FHOD3: variants seen among roughly 807,000 people sequenced by gnomAD.
FHOD3 encodes the protein FH1/FH2 domain-containing protein 3.
Under a neutral mutation model 173.0 loss-of-function variants are expected in FHOD3, and 90 were observed. That is an observed-to-expected ratio of 0.52 (90% CI 0.44 to 0.62). The LOEUF (loss-of-function observed/expected upper bound fraction) is 0.62, where lower values mean the gene tolerates loss of function less well. Among genes scored for constraint, FHOD3 ranks in the 20% least tolerant of loss-of-function variants. FHOD3 has a pLI of 0.00. For synonymous variants in FHOD3, 828 were observed against 823.0 expected, an observed-to-expected ratio of 1.01 and a Z score of -0.10; for missense variants, 1,945 against 2,034.7, an observed-to-expected ratio of 0.96 and a Z score of 0.85.
chr18:36,471,412 G>A (rs1212573245), intron 3 of FHOD3, among the ~76,000 whole-genome samples: 1 of 152,174 alleles, frequency 6.6e-6, no homozygotes, highest in African/African-American at 2.4e-5. Flanking sequence ...ATTGTTATGC[G>A]TGGATATCAC....
At chr18:36,661,117 T>TG (rs902409103) in intron 14 of FHOD3, among the ~76,000 whole-genome samples, 24 of 150,196 alleles carry the variant, frequency 1.6e-4, no homozygotes, top group African/African-American at 3.5e-4. Context: ...GTTTTGTAAG[T>TG]GGGGGAAAAA....
At chr18:36,385,537 T>C (rs2047987668) in intron 3 of FHOD3, among the ~76,000 whole-genome samples, 1 of 151,970 alleles carries the variant, frequency 6.6e-6, no homozygotes, top group Non-Finnish European at 1.5e-5. Context: ...GCTGGGATTA[T>C]AGGCGCCCAC....
At chr18:36,617,956 G>A (rs978348606) in intron 9 of FHOD3, among the ~76,000 whole-genome samples, 4 of 151,980 alleles carry the variant, frequency 2.6e-5, no homozygotes, top group Admixed American at 2.0e-4. Context: ...CCTTAGCAAA[G>A]GAATTTTTAT....
intron 3 of FHOD3, among the ~76,000 whole-genome samples, chr18:36,455,331 G>A (rs1392042898): frequency 3.3e-5 from 5 of 152,208 alleles, no homozygotes; most frequent in African/African-American, 1.2e-4. Context: ...GTCCTGGATT[G>A]TATGAATTTG....
chr18:36,324,945 A>G (rs929355307), intron 1 of FHOD3, among the ~76,000 whole-genome samples: 6 of 152,244 alleles, frequency 3.9e-5, no homozygotes, highest in African/African-American at 1.2e-4. Context: ...CAATAGTGGA[A>G]TTGATACTTA....
intron 3 of FHOD3, among the ~76,000 whole-genome samples, chr18:36,454,050 C>T (rs1431030570): frequency 6.6e-6 from 1 of 152,042 alleles, no homozygotes; most frequent in African/African-American, 2.4e-5. Context: ...TTTATTCTTC[C>T]CCACCACATT....
At chr18:36,477,949 A>G (rs1203279937) in intron 3 of FHOD3, among the ~76,000 whole-genome samples, 1 of 152,200 alleles carries the variant, frequency 6.6e-6, no homozygotes, top group African/African-American at 2.4e-5. Context: ...CTGGCCCAAC[A>G]TGTGCACTCC....
intron 1 of FHOD3, among the ~76,000 whole-genome samples, chr18:36,327,735 T>C (rs1460990683): frequency 6.6e-6 from 1 of 152,226 alleles, no homozygotes; most frequent in Non-Finnish European, 1.5e-5. Flanking sequence ...CTTTTACAGT[T>C]TGAAAAATAC....
At chr18:36,351,122 G>T (rs945750862) in intron 1 of FHOD3, among the ~76,000 whole-genome samples, 13 of 152,166 alleles carry the variant, frequency 8.5e-5, no homozygotes, top group African/African-American at 2.4e-4. Flanking sequence ...CACAGCCCCT[G>T]TGTTGTTAGG....
intron 5 of FHOD3, among the ~76,000 whole-genome samples, chr18:36,517,230 C>T (rs1224541775): frequency 1.3e-5 from 2 of 152,148 alleles, no homozygotes; most frequent in Non-Finnish European, 2.9e-5. Flanking sequence ...TTTAAGTGTA[C>T]TGTGAAATTT....
At chr18:36,339,419 C>T (rs2045495150) in intron 1 of FHOD3, among the ~76,000 whole-genome samples, 1 of 152,242 alleles carries the variant, frequency 6.6e-6, no homozygotes, top group Non-Finnish European at 1.5e-5. Flanking sequence ...TGTAGTTGCA[C>T]AGGGCCCCAT....
intron 3 of FHOD3, among the ~76,000 whole-genome samples, chr18:36,491,312 G>T (rs2054458632): frequency 6.6e-6 from 1 of 152,080 alleles, no homozygotes; most frequent in Non-Finnish European, 1.5e-5. Flanking sequence ...GCAAAAATTT[G>T]TTCCCATATA....
chr18:36,472,726 T>C (rs896385337), intron 3 of FHOD3, among the ~76,000 whole-genome samples: 10 of 152,216 alleles, frequency 6.6e-5, no homozygotes, highest in African/African-American at 2.4e-4. Flanking sequence ...TTCATCCATG[T>C]TGTAACATGT....
chr18:36,519,021 C>A (rs778928008), intron 5 of FHOD3, among the ~76,000 whole-genome samples: 2 of 152,202 alleles, frequency 1.3e-5, no homozygotes, highest in Non-Finnish European at 2.9e-5. Context: ...CACCCTGTTG[C>A]TGTTGATATG....
chr18:36,700,769 C>T lies in FHOD3; in HGVS notation c.2236+7346C>T, dbSNP rs118060942. ...ATGTGGCATTCAAGACCCTTTGTAC[C>T]CAGTACCAACCACCACAGCCACCCC... On this transcript the variant is annotated intron_variant, in intron 17 of 28. Transcript: ENST00000590592. Among the ~76,000 whole-genome samples, 1,072 of 150,510 alleles carry T rather than the reference C, an allele frequency of 7.1e-3. 4 individuals carry two copies. Among genetic ancestry groups the T allele is most frequent in the Middle Eastern group, 0.027 (8 of 294 alleles).
intron 3 of FHOD3, among the ~76,000 whole-genome samples, chr18:36,435,736 G>A (rs2050778134): frequency 6.6e-6 from 1 of 152,174 alleles, no homozygotes; most frequent in African/African-American, 2.4e-5. Context: ...GATTTGCTAA[G>A]TGGCAATTCT....
intron 5 of FHOD3, among the ~76,000 whole-genome samples, chr18:36,529,873 T>C (rs2056705027): frequency 6.6e-6 from 1 of 152,218 alleles, no homozygotes; most frequent in East Asian, 1.9e-4. Flanking sequence ...TGGAGTAGAA[T>C]CCCATCGTTC....
At chr18:36,414,570 C>T (rs1026500013) in intron 3 of FHOD3, among the ~76,000 whole-genome samples, 8 of 152,198 alleles carry the variant, frequency 5.3e-5, no homozygotes, top group African/African-American at 1.9e-4. Context: ...ACTTGTCCAC[C>T]CGCATCAACT....
At chr18:36,337,312 A>G (rs928234563) in intron 1 of FHOD3, among the ~76,000 whole-genome samples, 1 of 152,210 alleles carries the variant, frequency 6.6e-6, no homozygotes, top group African/African-American at 2.4e-5. Context: ...TGCACAGTGA[A>G]TACGATCCCC....
Sources: allele counts gnomAD v4.1 joint callset (sites outside exome capture counted in the v4.1 genomes callset), GRCh38; gene constraint gnomAD v4.1.1; transcripts MANE v1.5; gene names NCBI Gene and HGNC (gene_info 2026-07-23, HGNC 2026-07-21).